The following NLGN4Y variants were observed in gnomAD, a reference collection of about 807,000 sequenced individuals.
NLGN4Y encodes the protein neuroligin-4, Y-linked.
NLGN4Y carries 4 observed loss-of-function variants against 8.4 expected under a neutral mutation model. The observed-to-expected ratio is 0.48, with a 90% confidence interval of 0.23 to 1.09. The LOEUF (loss-of-function observed/expected upper bound fraction) is 1.09. NLGN4Y is among the 50% of genes least tolerant of loss of function. NLGN4Y has a pLI of 0.19. For missense variants in NLGN4Y, 90 were observed against 192.3 expected (o/e 0.47, Z 3.15); for synonymous variants, 35 against 75.6 (o/e 0.46, Z 2.78).
chrY:14,537,073 ACCATACT>A (rs2080136945), intron 1 of NLGN4Y, among the ~76,000 whole-genome samples: 1 of 34,012 alleles, frequency 2.9e-5, no homozygotes, highest in Non-Finnish European at 7.3e-5. Flanking sequence ...TTAAAGGTAA[ACCATACT>A]CCCTCACCCC....
intron 4 of NLGN4Y, among the ~76,000 whole-genome samples, chrY:14,792,466 C>T (rs2042988765): frequency 3.2e-5 from 1 of 31,553 alleles, no homozygotes; most frequent in Non-Finnish European, 7.6e-5. Context: ...GGAATACCAA[C>T]ATGAGAGACT....
Position 14,704,891 on chromosome Y carries a change from C to T in NLGN4Y, c.473-14568C>T, listed in dbSNP as rs778996508. On this transcript the variant is annotated intron_variant, in intron 2 of 6. Transcript: ENST00000684976. ...AACTTCTTCATGGTTTAGACTTGGG[C>T]GGGTGTATGTGTCGAGGAATTTATC... Among the ~76,000 whole-genome samples the T allele has an allele frequency of 1.8e-4, 6 of 32,562 alleles. No individual in the cohort carries two copies. In the East Asian group the frequency reaches 4.1e-3, roughly 22 times the overall value. 87.4% of individuals were successfully genotyped at this position (32,562 alleles called of 37,273 possible). A position where few individuals can be genotyped will look rare whatever the true frequency, so the allele number is the denominator to read the frequency against.
intron 2 of NLGN4Y, among the ~76,000 whole-genome samples, chrY:14,647,315 T>C (rs2080614370): frequency 2.9e-5 from 1 of 33,985 alleles, no homozygotes; most frequent in Non-Finnish European, 7.3e-5. Context: ...CATATGTATG[T>C]AACATATAGA....
chrY:14,704,472 G>C (rs760774529), intron 2 of NLGN4Y, among the ~76,000 whole-genome samples: 2 of 33,194 alleles, frequency 6.0e-5, no homozygotes, highest in Non-Finnish European at 1.5e-4. Flanking sequence ...TTATTGATTT[G>C]CATATATAGA....
At chrY:14,746,575 T>C (rs780021480) in intron 4 of NLGN4Y, among the ~76,000 whole-genome samples, 1 of 33,320 alleles carries the variant, frequency 3.0e-5, no homozygotes, top group African/African-American at 1.2e-4. Context: ...TCAGTCATGG[T>C]TAGGTGTGCC....
At chrY:14,825,733 T>C (rs925281292) in intron 5 of NLGN4Y, among the ~76,000 whole-genome samples, 8 of 32,044 alleles carry the variant, frequency 2.5e-4, no homozygotes, top group Non-Finnish European at 5.3e-4. Flanking sequence ...CTTGTCCCCG[T>C]GGGAGCTCCA....
At chrY:14,706,096 T>G (rs2080876667) in intron 2 of NLGN4Y, among the ~76,000 whole-genome samples, 2 of 33,514 alleles carry the variant, frequency 6.0e-5, no homozygotes, top group East Asian at 1.6e-3. Flanking sequence ...AGTATAGCAT[T>G]GAGCTGAGGA....
At chrY:14,777,757 G>T (rs933039024) in intron 4 of NLGN4Y, among the ~76,000 whole-genome samples, 1 of 32,055 alleles carries the variant, frequency 3.1e-5, no homozygotes, top group Non-Finnish European at 7.6e-5. Flanking sequence ...AGACACAATG[G>T]CTCATGCCTG....
intron 4 of NLGN4Y, among the ~76,000 whole-genome samples, chrY:14,800,691 T>G: frequency 3.2e-5 from 1 of 31,133 alleles, no homozygotes; most frequent in Non-Finnish European, 7.7e-5. Context: ...ATATAATTTA[T>G]ATATAAATGT....
intron 1 of NLGN4Y, among the ~76,000 whole-genome samples, chrY:14,555,576 G>A: frequency 3.0e-5 from 1 of 32,792 alleles, no homozygotes; most frequent in Non-Finnish European, 7.5e-5. Flanking sequence ...AGTGAGATGA[G>A]ACTTGCCGAA....
intron 4 of NLGN4Y, among the ~76,000 whole-genome samples, chrY:14,762,033 T>TA (rs2081081008): frequency 3.0e-5 from 1 of 32,857 alleles, no homozygotes; most frequent in Admixed American, 2.8e-4. Context: ...TACATGCCTA[T>TA]AGTCCCAGCT....
chrY:14,588,051 G>A, intron 1 of NLGN4Y, among the ~76,000 whole-genome samples: 1 of 33,317 alleles, frequency 3.0e-5, no homozygotes, highest in African/African-American at 1.2e-4. Flanking sequence ...GAATTTGATT[G>A]GTGTATCTTT....
intron 4 of NLGN4Y, among the ~76,000 whole-genome samples, chrY:14,756,350 T>C (rs2081056517): frequency 3.0e-5 from 1 of 33,709 alleles, no homozygotes; most frequent in Non-Finnish European, 7.3e-5. Context: ...CGTTGAATTT[T>C]AATTTTACTT....
intron 1 of NLGN4Y, among the ~76,000 whole-genome samples, chrY:14,530,206 G>A (rs2080106617): frequency 3.3e-5 from 1 of 30,492 alleles, no homozygotes; most frequent in African/African-American, 1.3e-4. Flanking sequence ...TTCCAACTGA[G>A]GTGGGAGGAT....
intron 4 of NLGN4Y, among the ~76,000 whole-genome samples, chrY:14,775,787 G>T (rs2081123589): frequency 3.0e-5 from 1 of 32,831 alleles, no homozygotes; most frequent in African/African-American, 1.2e-4. Context: ...TGCATGTGCT[G>T]GTGCTCAGAG....
chrY:14,560,969 A>G, intron 1 of NLGN4Y, among the ~76,000 whole-genome samples: 1 of 33,224 alleles, frequency 3.0e-5, no homozygotes, highest in African/African-American at 1.2e-4. Context: ...GCTGATATAT[A>G]TGTTTAAGAG....
intron 1 of NLGN4Y, 44 bp downstream of exon 1, chrY:14,524,752 G>T: frequency 8.2e-6 from 1 of 121,912 alleles, no homozygotes; most frequent in South Asian, 3.9e-5. Flanking sequence ...TTGGGGGCTT[G>T]CTGTGGGACA....
chrY:14,613,170 C>A (rs1603501338), intron 1 of NLGN4Y, among the ~76,000 whole-genome samples: 1 of 32,774 alleles, frequency 3.1e-5, no homozygotes, highest in East Asian at 8.3e-4. Context: ...CCCAGGTCAA[C>A]TTCAGACTGC....
At chrY:14,794,566 T>C in intron 4 of NLGN4Y, among the ~76,000 whole-genome samples, 1 of 33,674 alleles carries the variant, frequency 3.0e-5, no homozygotes, top group Non-Finnish European at 7.3e-5. Context: ...CCACAAGATA[T>C]TTAACTCTTT....
Sources: allele counts gnomAD v4.1 joint callset (sites outside exome capture counted in the v4.1 genomes callset), GRCh38; gene constraint gnomAD v4.1.1; transcripts MANE v1.5; gene names NCBI Gene and HGNC (gene_info 2026-07-23, HGNC 2026-07-21).